Variants in GPHN observed in about 807,000 individuals in gnomAD.
GPHN encodes gephyrin.
GPHN carries 17 observed loss-of-function variants against 95.5 expected under a neutral mutation model. The ratio of observed to expected loss-of-function variants is 0.18; its 90% CI spans 0.12 to 0.27. The LOEUF (loss-of-function observed/expected upper bound fraction) is 0.27, where lower values mean the gene tolerates loss of function less well. Ranked by LOEUF, GPHN falls within the 10% of genes least tolerant of loss-of-function variation. The pLI is 1.00. For missense variants in GPHN, 660 were observed against 978.1 expected (o/e 0.67, Z 4.34); for synonymous variants, 320 against 322.5 (o/e 0.99, Z 0.08).
chr14:67,642,278 G>A, the GPHN span: 1 of 1,613,960 alleles, frequency 6.2e-7, no homozygotes, highest in African/African-American at 1.3e-5. Flanking sequence ...ACGCTCAGTG[G>A]GTCTTGCCAA....
chr14:67,346,871 T>C, the GPHN span, among the ~76,000 whole-genome samples: 21 of 152,330 alleles, frequency 1.4e-4, no homozygotes, highest in East Asian at 4.1e-3. Context: ...AATCAGTGAA[T>C]TCATATTCAA....
At position 67,143,350 on chromosome 14, in the gene GPHN, AT is replaced by A; in HGVS notation, c.1749-5del. The A allele has an allele frequency of 5.7e-6, 9 of 1,574,058 alleles. No individual in the cohort carries two copies. The highest frequency in any genetic ancestry group is 7.0e-6 in the Non-Finnish European group (8 of 1,143,798). The stretch of plus-strand genomic sequence containing the variant: ...CTTGTGTGTTAATTTCTTTGTCTTT[AT>A]TTTTTTCCAGCCCAGATGACTTACT... On this transcript the variant is annotated splice_polypyrimidine_tract_variant and intron_variant, in intron 17 of 22. Coordinates refer to ENST00000478722, the MANE Select transcript of GPHN (RefSeq NM_020806.5).
At chr14:67,456,697 G>C in the GPHN span, among the ~76,000 whole-genome samples, 1 of 152,030 alleles carries the variant, frequency 6.6e-6, no homozygotes, top group Non-Finnish European at 1.5e-5. Flanking sequence ...AATTAGTTCA[G>C]TCATTGTGGA....
chr14:67,424,504 T>C, the GPHN span, among the ~76,000 whole-genome samples: 1 of 139,080 alleles, frequency 7.2e-6, no homozygotes, highest in Non-Finnish European at 1.5e-5. Flanking sequence ...GAGGCTGAGG[T>C]GGGGGGAGTG....
the GPHN span, among the ~76,000 whole-genome samples, chr14:67,290,872 G>A: frequency 2.0e-4 from 30 of 152,248 alleles, no homozygotes; most frequent in South Asian, 1.0e-3. Context: ...AGAATCATTG[G>A]TTATTTGGAG....
intron 3 of GPHN, among the ~76,000 whole-genome samples, chr14:66,781,228 T>C (rs1566938489): frequency 6.6e-6 from 1 of 151,764 alleles, no homozygotes. Flanking sequence ...TCTTTCTTTT[T>C]TTTTTTTTTT....
chr14:67,692,591 C>A, the GPHN span: 1 of 1,564,420 alleles, frequency 6.4e-7, no homozygotes, highest in Non-Finnish European at 8.6e-7. Flanking sequence ...TATACTCGAG[C>A]TCCTGTCAGC....
intron 4 of GPHN, among the ~76,000 whole-genome samples, chr14:66,865,444 A>G (rs1210701039): frequency 1.3e-5 from 2 of 152,140 alleles, no homozygotes; most frequent in Admixed American, 6.5e-5. Flanking sequence ...AAGATTACAA[A>G]AAGTCTGATA....
At chr14:67,325,979 C>CTTTT in the GPHN span, among the ~76,000 whole-genome samples, 130 of 110,198 alleles carry the variant, frequency 1.2e-3, 1 homozygote, top group African/African-American at 4.2e-3. Flanking sequence ...CGGCTCTTTT[C>CTTTT]TTTTTTTTTT....
chr14:67,701,242 G>A, the GPHN span, among the ~76,000 whole-genome samples: 3 of 151,748 alleles, frequency 2.0e-5, no homozygotes, highest in Non-Finnish European at 4.4e-5. Flanking sequence ...GAAATAGATT[G>A]TAGAATTTAA....
rs112169830 is a variant in GPHN at position 66,584,668 on chromosome 14, T to C, written c.64+76077T>C. On this transcript the variant is annotated intron_variant, in intron 1 of 22. Transcript: ENST00000478722. ...GATCATGTGGTTTTCGTCTTTGGTT[T>C]TGTTTATATGCTGGATTACATTTAT... Among the ~76,000 whole-genome samples the C allele has an allele frequency of 3.6e-3, 552 of 152,126 alleles. 12 individuals are homozygous for C. The highest frequency in any genetic ancestry group is 0.013 in the African/African-American group (526 of 41,524).
At chr14:67,232,229 G>A in the GPHN span, among the ~76,000 whole-genome samples, 1 of 152,212 alleles carries the variant, frequency 6.6e-6, no homozygotes, top group African/African-American at 2.4e-5. Context: ...CCTCTCTTAA[G>A]TCATTTGCCC....
the GPHN span, chr14:67,473,423 G>A: frequency 6.2e-7 from 1 of 1,613,106 alleles, no homozygotes; most frequent in South Asian, 1.1e-5. The surrounding 1 kb of genome is among the most constrained non-coding windows in gnomAD (Gnocchi z 6.5). Flanking sequence ...TTCCTGCTCA[G>A]TCAGTCTTGA....
intron 17 of GPHN, among the ~76,000 whole-genome samples, chr14:67,134,508 A>C (rs890249520): frequency 6.6e-6 from 1 of 152,190 alleles, no homozygotes; most frequent in Non-Finnish European, 1.5e-5. Context: ...TTGAGTAACT[A>C]AACTATTTAC....
intron 2 of GPHN, among the ~76,000 whole-genome samples, chr14:66,773,546 G>A (rs900483955): frequency 2.0e-5 from 3 of 152,008 alleles, no homozygotes; most frequent in Non-Finnish European, 2.9e-5. Context: ...TAGAGACGGG[G>A]TTTCACCATG....
chr14:67,125,727 A>G (rs997562318), intron 17 of GPHN, among the ~76,000 whole-genome samples: 2 of 152,000 alleles, frequency 1.3e-5, no homozygotes, highest in Non-Finnish European at 2.9e-5. Flanking sequence ...CAGTGAGCCA[A>G]CATCGTGCCA....
chr14:66,742,418 A>G (rs931670767), intron 2 of GPHN, among the ~76,000 whole-genome samples: 5 of 152,138 alleles, frequency 3.3e-5, no homozygotes, highest in African/African-American at 1.2e-4. Context: ...TTTGATTTGG[A>G]GACCATTATA....
chr14:67,018,907 CAA>C (rs1420248425), intron 9 of GPHN, among the ~76,000 whole-genome samples: 2 of 152,088 alleles, frequency 1.3e-5, no homozygotes, highest in Non-Finnish European at 2.9e-5. Flanking sequence ...AAGGGAAAGT[CAA>C]GATATTCTGG....
intron 3 of GPHN, among the ~76,000 whole-genome samples, chr14:66,796,948 G>C (rs2060177862): frequency 1.3e-5 from 2 of 149,678 alleles, no homozygotes; most frequent in Admixed American, 1.3e-4. Flanking sequence ...TTCATAGTTT[G>C]AGGTCTTACA....
Sources: allele counts gnomAD v4.1 joint callset (sites outside exome capture counted in the v4.1 genomes callset), GRCh38; gene constraint gnomAD v4.1.1; non-coding constraint Gnocchi (gnomAD v3.1); transcripts MANE v1.5; gene names NCBI Gene and HGNC (gene_info 2026-07-23, HGNC 2026-07-21).